The following HTT variants were observed in gnomAD, a reference collection of about 807,000 sequenced individuals.
The protein encoded by HTT is huntington disease protein.
In HTT, 104 loss-of-function variants were observed where a neutral mutation model predicts 362.3. The ratio of observed to expected loss-of-function variants is 0.29; its 90% CI spans 0.24 to 0.34. The LOEUF (loss-of-function observed/expected upper bound fraction) is 0.34, where lower values mean the gene tolerates loss of function less well. Among genes scored for constraint, HTT ranks in the 10% least tolerant of loss-of-function variants. The probability of loss-of-function intolerance (pLI) is 1.00; values close to 1 mark genes in which losing one functional copy is unlikely to be tolerated. For missense variants in HTT, 3,301 were observed against 3,928.6 expected (o/e 0.84, Z 4.27); for synonymous variants, 1,577 against 1,548.7 (o/e 1.02, Z -0.43).
intron 29 of HTT, among the ~76,000 whole-genome samples, chr4:3,169,792 T>C (rs1262748049): frequency 2.0e-5 from 3 of 152,262 alleles, no homozygotes; most frequent in Non-Finnish European, 2.9e-5. Context: ...CAAACTGGCC[T>C]TGAACTCCTG....
intron 64 of HTT, among the ~76,000 whole-genome samples, chr4:3,237,878 G>A (rs893943728): frequency 6.6e-6 from 1 of 152,164 alleles, no homozygotes; most frequent in Non-Finnish European, 1.5e-5. Context: ...CACAGATGGG[G>A]CCCTGTGTGG....
At chr4:3,135,837 G>A in intron 19 of HTT, 67 bp from the exon 20 acceptor site, 2 of 1,331,742 alleles carry the variant, frequency 1.5e-6, no homozygotes, top group Non-Finnish European at 2.1e-6. Flanking sequence ...CTGCTCTGGA[G>A]CAAGCTGGCG....
intron 22 of HTT, 112 bp downstream of exon 22, chr4:3,140,768 G>A (rs1412259874): frequency 2.0e-6 from 2 of 1,020,894 alleles, no homozygotes; most frequent in African/African-American, 1.6e-5. Context: ...CTTCAGCTCA[G>A]GATGTTTGAG....
chr4:3,205,757 C>T (rs919797882), intron 42 of HTT, among the ~76,000 whole-genome samples: 7 of 152,176 alleles, frequency 4.6e-5, no homozygotes, highest in Non-Finnish European at 7.4e-5. Context: ...ACTTCTGATC[C>T]CAAACATTTC....
rs983175914 is a variant in HTT at position 3,242,184 on chromosome 4, A to G, written c.*2125A>G. 6.6e-6 allele frequency: 1 copy of G among 152,236 alleles called. No individual in the cohort carries two copies. The highest frequency in any genetic ancestry group is 2.4e-5 in the African/African-American group (1 of 41,442). 9.4% of individuals were successfully genotyped at this position (152,236 alleles called of 1,614,324 possible). On this transcript the variant is annotated 3_prime_UTR_variant, in exon 67 of 67. Coordinates refer to ENST00000355072, the MANE Select transcript of HTT (RefSeq NM_001388492.1). ...AACACTGTGAATGTAAAACAGAGCC[A>G]TTCCCTTGGAATGCATATCGCTGGG...
At chr4:3,143,462 A>C (rs1320858122) in intron 23 of HTT, among the ~76,000 whole-genome samples, 1 of 150,962 alleles carries the variant, frequency 6.6e-6, no homozygotes, top group Non-Finnish European at 1.5e-5. Context: ...AAAAGAAAAG[A>C]AAAAAGTAAA....
Position 3,218,035 on chromosome 4 carries a change from G to A in HTT, c.7242+83G>A. 8.2e-7 allele frequency: 1 copy of A among 1,215,332 alleles called. No individual in the cohort carries two copies. The highest frequency in any genetic ancestry group is 1.1e-6 in the Non-Finnish European group (1 of 879,606). The allele number at this position is 1,215,332 out of a possible 1,614,324, so 75.3% of individuals were successfully genotyped here. On this transcript the variant is annotated intron_variant, in intron 52 of 66. Coordinates refer to ENST00000355072, the MANE Select transcript of HTT (RefSeq NM_001388492.1). The surrounding 1 kb of genome is among the most constrained non-coding windows in gnomAD (Gnocchi z 4.4). ...TGGGCTGGGCACACGTGAGAGGGCG[G>A]GACAGAATCCCCGCAGCCCAGAGGC...
At chr4:3,133,777 C>T (rs996016905) in intron 18 of HTT, among the ~76,000 whole-genome samples, 22 of 152,260 alleles carry the variant, frequency 1.4e-4, no homozygotes, top group Admixed American at 4.6e-4. Flanking sequence ...GGATAACTCC[C>T]CCTTTTAAAA....
intron 26 of HTT, among the ~76,000 whole-genome samples, chr4:3,148,713 G>T (rs1716731999): frequency 6.6e-6 from 1 of 152,244 alleles, no homozygotes; most frequent in Non-Finnish European, 1.5e-5. Context: ...CAGGAGAATG[G>T]CGTGAATCCG....
chr4:3,163,770 C>T (rs988830728), intron 29 of HTT, among the ~76,000 whole-genome samples: 1 of 151,898 alleles, frequency 6.6e-6, no homozygotes, highest in Non-Finnish European at 1.5e-5. Context: ...TGGTGATATC[C>T]CCTTTATCGT....
At chr4:3,157,312 T>A in intron 28 of HTT, 113 bp downstream of exon 28, 1 of 1,000,294 alleles carries the variant, frequency 1.0e-6, no homozygotes, top group Non-Finnish European at 1.5e-6. Context: ...AGATATGAGT[T>A]ACATTTAGTT....
Position 3,105,430 on chromosome 4 carries a change from A to G in HTT, c.602A>G (p.Lys201Arg). The G allele has an allele frequency of 6.2e-7, 1 of 1,611,446 alleles. No homozygotes were observed. The highest frequency in any genetic ancestry group is 8.5e-7 in the Non-Finnish European group (1 of 1,177,566). The part of the protein sequence containing the change: ...AELAHLVRPQ[K>R]CRPYLVNLLP... ...CTGGCTCACCTGGTTCGGCCTCAGA[A>G]ATGCAGGTAAGTTGTACACTCTGGA... The change falls in exon 5 of 67, where the codon AAA (lysine) becomes AGA (arginine). Residue 201 changes from lysine to arginine, a missense_variant. By Grantham distance (26) the Lys-to-Arg change is conservative. Coordinates refer to ENST00000355072, the MANE Select transcript of HTT (RefSeq NM_001388492.1).
At chr4:3,117,996 C>T (rs969324329) in intron 8 of HTT, among the ~76,000 whole-genome samples, 1 of 152,218 alleles carries the variant, frequency 6.6e-6, no homozygotes, top group Non-Finnish European at 1.5e-5. Flanking sequence ...GATTGTAAAT[C>T]TCTTTGATGA....
rs1721487933 is a variant in HTT, at chr4:3,235,565, A to C, written c.8572A>C (p.Met2858Leu). 6.2e-7 allele frequency: 1 copy of C among 1,613,692 alleles called. No individual in the cohort carries two copies. The highest frequency in any genetic ancestry group is 8.5e-7 in the Non-Finnish European group (1 of 1,179,824). Residue 2858 changes from methionine to leucine, a missense_variant and splice_region_variant, in exon 63 of 67, where the codon ATG becomes CTG. By Grantham distance (15) the Met-to-Leu change is conservative. Around this residue, in one of 4 missense-constraint regions of HTT, gnomAD observed 753 missense variants for 1,021.3 expected, o/e 0.74. Coordinates refer to ENST00000355072, the MANE Select transcript of HTT (RefSeq NM_001388492.1). ...CACAGAGGCCTTTCTCCCTGTGCAG[A>C]TGTGTGGGGTGATGCTGTCTGGAAG... The part of the protein sequence containing the change: ...GPEFSASIIQ[M>L]CGVMLSGSEE...
chr4:3,139,035 A>T (rs1277078857), intron 21 of HTT, among the ~76,000 whole-genome samples: 4 of 152,232 alleles, frequency 2.6e-5, no homozygotes, highest in Non-Finnish European at 5.9e-5. Flanking sequence ...AAGAAAACCA[A>T]AGTTACATTT....
intron 20 of HTT, 117 bp downstream of exon 20, chr4:3,136,084 T>G: frequency 1.1e-6 from 1 of 924,264 alleles, no homozygotes; most frequent in Non-Finnish European, 1.7e-6. Context: ...TTTCACAGTT[T>G]ATATCATGAA....
At chr4:3,108,333 G>C (rs1478903204) in intron 6 of HTT, among the ~76,000 whole-genome samples, 1 of 152,176 alleles carries the variant, frequency 6.6e-6, no homozygotes, top group African/African-American at 2.4e-5. Context: ...ACTAGTCATG[G>C]GGTTTTGGAA....
intron 51 of HTT, 69 bp downstream of exon 51, chr4:3,215,280 G>T: frequency 3.5e-6 from 4 of 1,148,362 alleles, no homozygotes; most frequent in South Asian, 1.3e-5. Context: ...TCACAGAGAC[G>T]TGCACCGCGG....
intron 42 of HTT, among the ~76,000 whole-genome samples, chr4:3,205,225 G>T (rs1237969843): frequency 6.6e-6 from 1 of 152,004 alleles, no homozygotes; most frequent in African/African-American, 2.4e-5. Context: ...TTAGATTTTG[G>T]TCTAGATTTA....
Sources: allele counts gnomAD v4.1 joint callset (sites outside exome capture counted in the v4.1 genomes callset), GRCh38; gene constraint gnomAD v4.1.1; regional missense constraint gnomAD v4.1.1; non-coding constraint Gnocchi (gnomAD v3.1); transcripts MANE v1.5; gene names NCBI Gene and HGNC (gene_info 2026-07-23, HGNC 2026-07-21).